LGALS8: variants seen among roughly 807,000 people sequenced by gnomAD.
The protein encoded by LGALS8 is galectin 8.
A neutral mutation model predicts 35.9 loss-of-function variants in LGALS8; 30 were observed. That is an observed-to-expected ratio of 0.83 (90% CI 0.62 to 1.13). The LOEUF is 1.13. Among genes scored for constraint, LGALS8 ranks in the 50% most tolerant of loss-of-function variants. The probability of loss-of-function intolerance (pLI) is 0.00; values close to 1 mark genes in which losing one functional copy is unlikely to be tolerated. For synonymous variants in LGALS8, 138 were observed against 136.1 expected (o/e 1.01, Z -0.10); for missense variants, 366 against 388.7 (o/e 0.94, Z 0.49).
rs914658892 is a variant in LGALS8 at position 236,547,449 on chromosome 1, G to A, written c.805-563G>A. On this transcript the variant is annotated intron_variant, in intron 9 of 9. Transcript: ENST00000366584. ...AGGCCAAGATGTGCTGAGCTTATCA[G>A]GATCAGGATCACCAAGCAGCTGTAA... Among the ~76,000 whole-genome samples, 3 of 152,124 alleles carry A rather than the reference G, an allele frequency of 2.0e-5. No homozygotes were observed. In the South Asian group the frequency reaches 6.2e-4, roughly 31 times the overall value.
At chr1:236,540,296 A>G in intron 4 of LGALS8, 1 of 340,194 alleles carries the variant, frequency 2.9e-6, no homozygotes, top group Non-Finnish European at 5.2e-6. Context: ...AGAGGCGCAC[A>G]CAAGCACACG....
upstream of LGALS8, among the ~76,000 whole-genome samples, chr1:236,518,913 C>T (rs1157908200): frequency 6.6e-6 from 1 of 152,078 alleles, no homozygotes; most frequent in Non-Finnish European, 1.5e-5. Flanking sequence ...AAATCACTGC[C>T]AGAGTATTCC....
At chr1:236,546,543 G>A (rs1010570776) in intron 9 of LGALS8, among the ~76,000 whole-genome samples, 11 of 74,940 alleles carry the variant, frequency 1.5e-4, no homozygotes, top group Admixed American at 1.4e-3. Context: ...GATGAAATCC[G>A]TGTTCCAGCT....
intron 8 of LGALS8, among the ~76,000 whole-genome samples, chr1:236,543,949 TC>T (rs1185463699): frequency 4.3e-5 from 4 of 93,226 alleles, no homozygotes; most frequent in African/African-American, 3.3e-5. Context: ...CAACATCTTT[TC>T]TTTTTTTTTT....
In LGALS8 at chr1:236,551,084, G is replaced by A. The variant is rs2254483; in HGVS notation, c.*2923G>A. ...TAATTCTTAATGCCTTGCACTTTCC[G>A]GCAATCATTCAATCAAAAGAGTGAA... is the stretch of plus-strand genomic sequence containing the variant. On this transcript the variant is annotated 3_prime_UTR_variant, in exon 10 of 10. Transcript: ENST00000366584. 626,466 of 960,340 alleles carry A rather than the reference G, an allele frequency of 0.65. 208,562 individuals carry two copies. Among genetic ancestry groups the A allele is most frequent in the Non-Finnish European group, 0.7 (460,202 of 661,400 alleles). The allele number at this position is 960,340 out of a possible 1,614,324, so 59.5% of individuals were successfully genotyped here.
rs568658058 is a variant in LGALS8 at position 236,546,413 on chromosome 1, T to G, written c.804+1498T>G. 5.8e-4 allele frequency among the ~76,000 whole-genome samples: 88 copies of G among 152,366 alleles called. 2 individuals are homozygous for G. In the South Asian group the frequency reaches 0.018, roughly 30 times the overall value. On this transcript the variant is annotated intron_variant, in intron 9 of 9. Coordinates refer to ENST00000366584, the MANE Select transcript of LGALS8 (RefSeq NM_201544.4). ...ATTGAGATTATCTCAGGTCTTTCCA[T>G]TATGCCATTACTTTCATTTTAAATC... is the stretch of plus-strand genomic sequence containing the variant.
At position 236,542,948 on chromosome 1, in the gene LGALS8, G is replaced by A. The variant is rs754886803; in HGVS notation, c.549+161G>A. ...TAGAGGAGGAGACATTTCTAAAATC[G>A]CACCCAGAACTGTCTACACCAAGAG... On this transcript the variant is annotated intron_variant, in intron 7 of 9. Transcript: ENST00000366584. 9.9e-6 allele frequency: 16 copies of A among 1,613,898 alleles called. No individual in the cohort carries two copies. Among genetic ancestry groups the A allele is most frequent in the East Asian group, 2.2e-5 (1 of 44,888 alleles).
intron 6 of LGALS8, 72 bp downstream of exon 6, chr1:236,541,782 AAGAAG>A: frequency 1.3e-6 from 1 of 769,206 alleles, no homozygotes; most frequent in African/African-American, 1.8e-5. Flanking sequence ...ATGAAATGGC[AAGAAG>A]GCTGGGTTTT....
At position 236,542,803 on chromosome 1, in the gene LGALS8, T is replaced by C. The variant is rs202067006; in HGVS notation, c.549+16T>C. On this transcript the variant is annotated intron_variant, in intron 7 of 9. Coordinates refer to ENST00000366584, the MANE Select transcript of LGALS8 (RefSeq NM_201544.4). Reference sequence around the variant, plus strand: ...GCCCCAGCTTGTGAGTATTTTTGCCTGGGTTATTTCATGTGGAATATTTTA... The same window carrying C: ...GCCCCAGCTTGTGAGTATTTTTGCCCGGGTTATTTCATGTGGAATATTTTA... 7.4e-6 allele frequency: 12 copies of C among 1,614,124 alleles called. No homozygotes were observed. The East Asian group carries it at 2.4e-4, about 33-fold the overall frequency.
At position 236,552,082 on chromosome 1, in the gene LGALS8, A is replaced by T. The variant is rs563013149; in HGVS notation, c.*3921A>T. On this transcript the variant is annotated 3_prime_UTR_variant, in exon 10 of 10. Coordinates refer to ENST00000366584, the MANE Select transcript of LGALS8 (RefSeq NM_201544.4). ...CTTTAGTTTTTCAGCCAGTGCTAAC[A>T]CAGTAATCAAAGCAGCAAATCGAAC... 7 of 1,613,006 alleles carry T rather than the reference A, an allele frequency of 4.3e-6. No homozygotes were observed. The South Asian group carries it at 5.5e-5, about 13-fold the overall frequency.
At chr1:236,531,860 C>A (rs867833950) in intron 2 of LGALS8, among the ~76,000 whole-genome samples, 3 of 152,042 alleles carry the variant, frequency 2.0e-5, no homozygotes, top group African/African-American at 4.8e-5. Flanking sequence ...TGATTTATTG[C>A]GGTGAAAGGA....
Position 236,526,340 on chromosome 1 carries a change from C to A in LGALS8, c.45+225C>A. ...TGACGTGATGAAACAGTGTTATGAACAGGGAACGTCTGGGTAGAGTGGAGG... is the reference window on the plus strand; with the variant it reads ...TGACGTGATGAAACAGTGTTATGAAAAGGGAACGTCTGGGTAGAGTGGAGG... On this transcript the variant is annotated intron_variant, in intron 2 of 9. Transcript: ENST00000366584. This position sits in a 1 kb window ranked among gnomAD's most constrained non-coding sequence, Gnocchi z 4.6. The A allele has an allele frequency of 2.6e-6, 1 of 390,124 alleles. No individual in the cohort carries two copies. Among genetic ancestry groups the A allele is most frequent in the South Asian group, 7.1e-5 (1 of 14,058 alleles). 24.2% of individuals were successfully genotyped at this position (390,124 alleles called of 1,614,324 possible).
chr1:236,528,567 T>TTG, intron 2 of LGALS8, among the ~76,000 whole-genome samples: 1 of 113,156 alleles, frequency 8.8e-6, no homozygotes, highest in Non-Finnish European at 1.8e-5. Context: ...TTTTTTTTTT[T>TTG]TTAAGACAGA....
chr1:236,526,395 C>T lies in LGALS8; in HGVS notation c.45+280C>T. ...GCCAACTTTTGGTGATGGGAGGAGGCTCAGCTAATCATAAATTGTAGTTTT... is the reference window on the plus strand; with the variant it reads ...GCCAACTTTTGGTGATGGGAGGAGGTTCAGCTAATCATAAATTGTAGTTTT... On this transcript the variant is annotated intron_variant, in intron 2 of 9. Transcript: ENST00000366584. The surrounding 1 kb of genome is among the most constrained non-coding windows in gnomAD (Gnocchi z 4.6). 3.5e-6 allele frequency: 1 copy of T among 288,576 alleles called. No homozygotes were observed. The highest frequency in any genetic ancestry group is 6.4e-6 in the Non-Finnish European group (1 of 156,608). 17.9% of individuals were successfully genotyped at this position (288,576 alleles called of 1,614,324 possible). A position where few individuals can be genotyped will look rare whatever the true frequency, so the allele number is the denominator to read the frequency against.
At chr1:236,543,370 G>T (rs1662142885) in intron 7 of LGALS8, 190 bp from the exon 8 acceptor site, 1 of 699,974 alleles carries the variant, frequency 1.4e-6, no homozygotes, top group Non-Finnish European at 2.6e-6. Context: ...ATGTAATCAT[G>T]TGTGTTTGCT....
chr1:236,552,306 TATAAA>T lies in LGALS8; in HGVS notation c.*4146_*4150del. ...GAGCTGTTTGTAATATGTGCAACCT[TATAAA>T]TAGTGTTTTCCAAACTGTGTCCCAG... On this transcript the variant is annotated 3_prime_UTR_variant, in exon 10 of 10. Transcript: ENST00000366584. 5.0e-6 allele frequency: 2 copies of T among 396,988 alleles called. No individual in the cohort carries two copies. Among genetic ancestry groups the T allele is most frequent in the East Asian group, 7.9e-5 (2 of 25,442 alleles). 24.6% of individuals were successfully genotyped at this position (396,988 alleles called of 1,614,324 possible). A position where few individuals can be genotyped will look rare whatever the true frequency, so the allele number is the denominator to read the frequency against.
chr1:236,545,954 A>G (rs1662336536), intron 9 of LGALS8, among the ~76,000 whole-genome samples: 1 of 152,164 alleles, frequency 6.6e-6, no homozygotes, highest in Admixed American at 6.5e-5. Context: ...CACTGGAGGG[A>G]AACAGAGGTG....
intron 2 of LGALS8, among the ~76,000 whole-genome samples, chr1:236,533,917 T>TCCCTCTGACCCTGGATGC (rs1661299318): frequency 6.7e-6 from 1 of 148,738 alleles, no homozygotes; most frequent in Admixed American, 6.7e-5. Flanking sequence ...ACCCCAGATG[T>TCCCTCTGACCCTGGATGC]AGCTCCCTCT....
At chr1:236,540,435 G>T in intron 4 of LGALS8, 129 bp from the exon 5 acceptor site, 1 of 1,077,076 alleles carries the variant, frequency 9.3e-7, no homozygotes, top group Non-Finnish European at 1.3e-6. Flanking sequence ...ATTTGGTCAT[G>T]TGTGTGGAGA....
Sources: gnomAD v4.1 joint callset for allele counts (sites outside exome capture counted in the v4.1 genomes callset) on GRCh38, gnomAD v4.1.1 for gene constraint, Gnocchi (gnomAD v3.1) non-coding constraint, MANE v1.5 for transcripts, NCBI Gene and HGNC (gene_info 2026-07-23, HGNC 2026-07-21) for gene names.